Variants in MCM4 observed in about 807,000 individuals in gnomAD.
MCM4 encodes the protein DNA replication licensing factor MCM4.
MCM4 carries 60 observed loss-of-function variants against 88.7 expected under a neutral mutation model. The ratio of observed to expected loss-of-function variants is 0.68; its 90% CI spans 0.55 to 0.84. The LOEUF (loss-of-function observed/expected upper bound fraction) is 0.84, where lower values mean the gene tolerates loss of function less well. Among genes scored for constraint, MCM4 ranks in the 40% least tolerant of loss-of-function variants. MCM4 has a pLI of 0.00. For synonymous variants in MCM4, 465 were observed against 410.5 expected (o/e 1.13, Z -1.61); for missense variants, 1,149 against 1,105.5 (o/e 1.04, Z -0.56).
Position 47,966,321 on chromosome 8 carries a change from G to A in MCM4, c.967G>A (p.Ala323Thr). 6.2e-7 allele frequency: 1 copy of A among 1,613,996 alleles called. No homozygotes were observed. Among genetic ancestry groups the A allele is most frequent in the East Asian group, 2.2e-5 (1 of 44,870 alleles). ...GGTGGAGATGGACCGCGGCCGCATT[G>A]CAGAGCCCAGTGTGTGCGGGCGCTG... Reference protein sequence around the residue: ...TRVEMDRGRIAEPSVCGRCHT... With the variant: ...TRVEMDRGRITEPSVCGRCHT... The change falls in exon 9 of 17, where the codon GCA becomes ACA. Residue 323 changes from alanine to threonine, a missense_variant. Transcript: ENST00000649973.
At chr8:47,963,997 G>A (rs1280985424) in intron 7 of MCM4, among the ~76,000 whole-genome samples, 2 of 152,232 alleles carry the variant, frequency 1.3e-5, no homozygotes, top group Admixed American at 6.5e-5. Context: ...GCCGAGGCAG[G>A]CAGATCACCT....
chr8:47,966,340 G>A lies in MCM4; in HGVS notation c.986G>A (p.Gly329Glu), dbSNP rs776658931. Residue 329 changes from glycine to glutamate, a missense_variant, in exon 9 of 17, where the codon GGG becomes GAG. Physicochemically the swap from Gly to Glu is moderately conservative, Grantham distance 98. Coordinates refer to ENST00000649973, the MANE Select transcript of MCM4 (RefSeq NM_182746.3). ...CGCATTGCAGAGCCCAGTGTGTGCG[G>A]GCGCTGCCACACCACCCACAGCATG... Reference protein sequence around the residue: ...RGRIAEPSVCGRCHTTHSMAL... With the variant: ...RGRIAEPSVCERCHTTHSMAL... The A allele has an allele frequency of 1.1e-5, 17 of 1,613,766 alleles. 1 individual carries two copies. The South Asian group carries it at 1.8e-4, about 17-fold the overall frequency.
chr8:47,963,129 A>G (rs2090862741), intron 7 of MCM4, 89 bp downstream of exon 7: 3 of 765,600 alleles, frequency 3.9e-6, no homozygotes, highest in Non-Finnish European at 4.3e-6. Context: ...TAATGAAGAT[A>G]GTATGCGCAA....
At position 47,973,157 on chromosome 8, in the gene MCM4, T is replaced by C. The variant is rs140253235; in HGVS notation, c.2136+93T>C. 76 of 1,132,924 alleles carry C rather than the reference T, an allele frequency of 6.7e-5. No individual in the cohort carries two copies. In the African/African-American group the frequency reaches 1.1e-3, roughly 16 times the overall value. The allele number at this position is 1,132,924 out of a possible 1,614,324, so 70.2% of individuals were successfully genotyped here. Reference sequence around the variant, plus strand: ...TCCTTTAAAATATTAATTATTTTGTTACGAATAACATACTGTTCTCTTCCT... The same window carrying C: ...TCCTTTAAAATATTAATTATTTTGTCACGAATAACATACTGTTCTCTTCCT... On this transcript the variant is annotated intron_variant, in intron 14 of 16. Coordinates refer to ENST00000649973, the MANE Select transcript of MCM4 (RefSeq NM_182746.3).
chr8:47,973,291 T>G (rs990594225), intron 14 of MCM4, among the ~76,000 whole-genome samples: 1 of 151,826 alleles, frequency 6.6e-6, no homozygotes, highest in African/African-American at 2.4e-5. Context: ...ATTCTCCTGC[T>G]TCAGCCTCCC....
At chr8:47,974,070 C>G (rs1308751557) in intron 14 of MCM4, 5 of 152,250 alleles carry the variant, frequency 3.3e-5, no homozygotes, top group African/African-American at 9.6e-5. Context: ...TTTTCAGCAT[C>G]CTGGTACATG....
rs145642457 is a variant in MCM4, at chr8:47,969,845, G to A, written c.1222G>A (p.Val408Met). The change falls in exon 11 of 17, where the codon GTG (valine) becomes ATG (methionine). Residue 408 changes from valine to methionine, a missense_variant. Around this residue, in one of 3 missense-constraint regions of MCM4, gnomAD observed 906 missense variants for 843.0 expected, o/e 1.07. Coordinates refer to ENST00000649973, the MANE Select transcript of MCM4 (RefSeq NM_182746.3). ...PIRVNPRVSN[V>M]KSVYKTHIDV... Reference sequence around the variant, plus strand: ...TCGAGTCAATCCAAGAGTGAGTAATGTGAAGTCTGTCTACAAAACCCACAT... The same window carrying A: ...TCGAGTCAATCCAAGAGTGAGTAATATGAAGTCTGTCTACAAAACCCACAT... The A allele has an allele frequency of 3.7e-6, 6 of 1,614,134 alleles. No individual in the cohort carries two copies. In the African/African-American group the frequency reaches 4.0e-5, roughly 11 times the overall value.
chr8:47,965,130 G>C (rs938963505), intron 8 of MCM4, among the ~76,000 whole-genome samples: 1 of 152,008 alleles, frequency 6.6e-6, no homozygotes, highest in Non-Finnish European at 1.5e-5. Flanking sequence ...CAGGAGAAAC[G>C]CTTGAACCCG....
Position 47,978,077 on chromosome 8 carries a change from TA to T in MCM4, c.*1301del, listed in dbSNP as rs2091016521. Reference sequence around the variant, plus strand: ...TTTTCTTTAAATGTGAATTAAATCCTAACAGTCATCTTTATAAAATGACCAT... The same window carrying T: ...TTTTCTTTAAATGTGAATTAAATCCTACAGTCATCTTTATAAAATGACCAT... On this transcript the variant is annotated 3_prime_UTR_variant, in exon 17 of 17. Transcript: ENST00000649973. 1 of 151,702 alleles carries T rather than the reference TA, an allele frequency of 6.6e-6. No homozygotes were observed. The highest frequency in any genetic ancestry group is 1.5e-5 in the Non-Finnish European group (1 of 67,846). 9.4% of individuals were successfully genotyped at this position (151,702 alleles called of 1,614,324 possible).
chr8:47,962,759 T>TA lies in MCM4; in HGVS notation c.502-2dup. On this transcript the variant is annotated splice_region_variant and splice_polypyrimidine_tract_variant and intron_variant, in intron 5 of 16. Coordinates refer to ENST00000649973, the MANE Select transcript of MCM4 (RefSeq NM_182746.3). ...TGCCTAATACAGTTTTCTCTCCACT[T>TA]AAAGAGATTTCTTCAGCGTTTTATT... is the stretch of plus-strand genomic sequence containing the variant. 1 of 1,584,826 alleles carries TA rather than the reference T, an allele frequency of 6.3e-7. No individual in the cohort carries two copies. The highest frequency in any genetic ancestry group is 8.6e-7 in the Non-Finnish European group (1 of 1,164,520).
intron 2 of MCM4, 143 bp from the exon 3 acceptor site, chr8:47,961,373 C>G: frequency 6.6e-7 from 1 of 1,517,564 alleles, no homozygotes; most frequent in South Asian, 1.3e-5. Context: ...CAGGCTGTGG[C>G]CTGGGTGCTG....
chr8:47,974,407 C>G (rs969898529), intron 14 of MCM4: 1 of 294,876 alleles, frequency 3.4e-6, no homozygotes, highest in Admixed American at 4.4e-5. Flanking sequence ...TCTCCTCTCC[C>G]CACATGCCAC....
At chr8:47,963,127 A>AAT in intron 7 of MCM4, 87 bp downstream of exon 7, 3 of 785,804 alleles carry the variant, frequency 3.8e-6, no homozygotes, top group Non-Finnish European at 4.2e-6. Flanking sequence ...AGTAATGAAG[A>AAT]TAGTATGCGC....
rs191018764 is a variant in MCM4 at position 47,973,046 on chromosome 8, C to A, written c.2118C>A (p.Ala706=). ...STIMPRLSEE[A]SQALIEAYVD... is the part of the protein sequence containing the mutation. ...TCATGCCGCGGCTAAGTGAGGAAGC[C>A]AGCCAGGCTCTCATCGAGGTAACCC... is the stretch of plus-strand genomic sequence containing the variant. Residue 706 remains alanine (A), a synonymous_variant, in exon 14 of 17, where the codon GCC becomes GCA. Coordinates refer to ENST00000649973, the MANE Select transcript of MCM4 (RefSeq NM_182746.3). The A allele has an allele frequency of 6.2e-7, 1 of 1,613,672 alleles. No homozygotes were observed. Among genetic ancestry groups the A allele is most frequent in the Non-Finnish European group, 8.5e-7 (1 of 1,179,970 alleles).
At position 47,962,118 on chromosome 8, in the gene MCM4, G is replaced by A; in HGVS notation, c.301G>A (p.Gly101Arg). ...CGGCACTCCCAGCTCTCGGGTAGAG[G>A]GAACCCCAAGAAGTGGTGTTAGGGG... Reference protein sequence around the residue: ...TYGTPSSRVEGTPRSGVRGTP... With the variant: ...TYGTPSSRVERTPRSGVRGTP... The change falls in exon 4 of 17, where the codon GGA becomes AGA. Residue 101 changes from glycine to arginine, a missense_variant. Physicochemically the swap from Gly to Arg is moderately radical, Grantham distance 125. This residue lies in a region of MCM4 where 906 missense variants were observed against 843.0 expected (regional missense o/e 1.07). Coordinates refer to ENST00000649973, the MANE Select transcript of MCM4 (RefSeq NM_182746.3). 6.2e-7 allele frequency: 1 copy of A among 1,614,116 alleles called. No individual in the cohort carries two copies. Among genetic ancestry groups the A allele is most frequent in the South Asian group, 1.1e-5 (1 of 91,078 alleles).
chr8:47,967,277 A>C, intron 9 of MCM4, 88 bp from the exon 10 acceptor site: 1 of 1,467,310 alleles, frequency 6.8e-7, no homozygotes, highest in Non-Finnish European at 9.4e-7. Flanking sequence ...CTGCAGCCTT[A>C]TATGGCAAAA....
At chr8:47,976,261 C>T (rs1274581823) in intron 16 of MCM4, among the ~76,000 whole-genome samples, 1 of 151,202 alleles carries the variant, frequency 6.6e-6, no homozygotes, top group Admixed American at 6.6e-5. Context: ...CCATTGCTCT[C>T]CAGCCTGGGC....
At chr8:47,976,592 TG>T in intron 16 of MCM4, 93 bp from the exon 17 acceptor site, 1 of 864,934 alleles carries the variant, frequency 1.2e-6, no homozygotes, top group South Asian at 1.5e-5. Flanking sequence ...AGAAAGATTC[TG>T]GGTGGTACTT....
chr8:47,962,159 G>T lies in MCM4; in HGVS notation c.342G>T (p.Gln114His). ...RSGVRGTPVR[Q>H]RPDLGSAQKG... The stretch of plus-strand genomic sequence containing the variant: ...GTGTTAGGGGCACACCTGTGAGACA[G>T]AGGCCTGACCTGGGCTCTGCACAGA... Residue 114 changes from glutamine (Q) to histidine (H), a missense_variant, in exon 4 of 17, where the codon CAG becomes CAT. By Grantham distance (24) the Gln-to-His change is conservative (BLOSUM62 0). Coordinates refer to ENST00000649973, the MANE Select transcript of MCM4 (RefSeq NM_182746.3). The T allele has an allele frequency of 6.2e-7, 1 of 1,614,224 alleles. No homozygotes were observed. The highest frequency in any genetic ancestry group is 8.5e-7 in the Non-Finnish European group (1 of 1,180,038).
Sources: allele counts gnomAD v4.1 joint callset (sites outside exome capture counted in the v4.1 genomes callset), GRCh38; gene constraint gnomAD v4.1.1; regional missense constraint gnomAD v4.1.1; transcripts MANE v1.5; gene names NCBI Gene and HGNC (gene_info 2026-07-23, HGNC 2026-07-21).